XRCC4: variants seen among roughly 807,000 people sequenced by gnomAD.
XRCC4 encodes X-ray repair cross complementing 4.
A neutral mutation model predicts 39.1 loss-of-function variants in XRCC4; 28 were observed. The observed-to-expected ratio is 0.72, with a 90% confidence interval of 0.53 to 0.98. The LOEUF is 0.98. XRCC4 is among the 50% of genes least tolerant of loss of function. The pLI, the probability that XRCC4 is intolerant of heterozygous loss-of-function variation, is 0.00. For missense variants in XRCC4, 350 were observed against 376.4 expected, an observed-to-expected ratio of 0.93 and a Z score of 0.58; for synonymous variants, 123 against 126.4, an observed-to-expected ratio of 0.97 and a Z score of 0.18.
At chr5:83,111,502 T>C (rs1746444098) in intron 3 of XRCC4, among the ~76,000 whole-genome samples, 1 of 152,046 alleles carries the variant, frequency 6.6e-6, no homozygotes, top group Non-Finnish European at 1.5e-5. Context: ...ATCAGAAGTT[T>C]TAGGCCATCG....
At chr5:83,120,329 A>G (rs1746948745) in intron 3 of XRCC4, among the ~76,000 whole-genome samples, 1 of 152,126 alleles carries the variant, frequency 6.6e-6, no homozygotes, top group African/African-American at 2.4e-5. Context: ...TTGTTTAGGG[A>G]TAATTTACAA....
intron 7 of XRCC4, among the ~76,000 whole-genome samples, chr5:83,351,337 A>G (rs28360335): frequency 0.035 from 5,273 of 152,232 alleles, 296 homozygotes; most frequent in African/African-American, 0.12. Flanking sequence ...CACAGTTTCA[A>G]TCTTCTGCAA....
chr5:83,270,736 T>C (rs1754111599), intron 7 of XRCC4, among the ~76,000 whole-genome samples: 1 of 150,946 alleles, frequency 6.6e-6, no homozygotes, highest in Non-Finnish European at 1.5e-5. Context: ...CTGAAACAAA[T>C]TGTGGGATTT....
intron 7 of XRCC4, among the ~76,000 whole-genome samples, chr5:83,279,022 G>GAT (rs1454744927): frequency 7.4e-6 from 1 of 134,582 alleles, no homozygotes; most frequent in South Asian, 2.3e-4. Flanking sequence ...AAAAAAAAAA[G>GAT]ATATATATAT....
Position 83,132,052 on chromosome 5 carries a change from A to G in XRCC4, c.315+20849A>G, listed in dbSNP as rs1747619464. 2.0e-5 allele frequency among the ~76,000 whole-genome samples: 3 copies of G among 152,118 alleles called. No individual in the cohort carries two copies. The South Asian group carries it at 6.2e-4, about 32-fold the overall frequency. ...CCTTTCCACGTTTGGGGCTTCCTTC[A>G]GGAGCTCTTATAAGGCATGTCTGGT... On this transcript the variant is annotated intron_variant, in intron 3 of 7. Coordinates refer to ENST00000396027, the MANE Select transcript of XRCC4 (RefSeq NM_003401.5).
At chr5:83,263,696 G>GTT (rs1380866170) in intron 7 of XRCC4, among the ~76,000 whole-genome samples, 2 of 151,044 alleles carry the variant, frequency 1.3e-5, no homozygotes, top group Non-Finnish European at 3.0e-5. Flanking sequence ...GGGGTTGTTT[G>GTT]TTTTTTTCTT....
At chr5:83,214,456 G>A (rs1197821111) in intron 6 of XRCC4, among the ~76,000 whole-genome samples, 1 of 152,144 alleles carries the variant, frequency 6.6e-6, no homozygotes, top group East Asian at 1.9e-4. Flanking sequence ...CCATGGTGGT[G>A]TATTCCTATA....
intron 7 of XRCC4, among the ~76,000 whole-genome samples, chr5:83,277,856 G>C (rs897137177): frequency 2.0e-5 from 3 of 152,134 alleles, no homozygotes; most frequent in African/African-American, 7.2e-5. Context: ...TACATTCTTT[G>C]ATGATTTTGC....
intron 3 of XRCC4, among the ~76,000 whole-genome samples, chr5:83,164,098 A>G (rs1749347134): frequency 6.6e-6 from 1 of 152,178 alleles, no homozygotes; most frequent in Admixed American, 6.5e-5. Flanking sequence ...CTTGAAAGAT[A>G]ATTTTAAAAA....
chr5:83,347,669 C>T (rs1756956190), intron 7 of XRCC4, among the ~76,000 whole-genome samples: 1 of 152,164 alleles, frequency 6.6e-6, no homozygotes, highest in Non-Finnish European at 1.5e-5. Flanking sequence ...CAAACCATAT[C>T]ATGCCATCCC....
intron 3 of XRCC4, among the ~76,000 whole-genome samples, chr5:83,150,956 G>A (rs1158442933): frequency 6.6e-6 from 1 of 151,870 alleles, no homozygotes; most frequent in Non-Finnish European, 1.5e-5. Context: ...TGGAGTGAAT[G>A]GATTGTTTAT....
rs1752983056 is a variant in XRCC4, at chr5:83,243,292, T to G, written c.746-15238T>G. Among the ~76,000 whole-genome samples, 4 of 152,168 alleles carry G rather than the reference T, an allele frequency of 2.6e-5. No homozygotes were observed. The South Asian group carries it at 8.3e-4, about 31-fold the overall frequency. On this transcript the variant is annotated intron_variant, in intron 6 of 7. Transcript: ENST00000396027. ...GTTTGCTAGGGCTGCCATAACAAAATACTACAAATTGGGGACTTACCAACA... is the reference window on the plus strand; with the variant it reads ...GTTTGCTAGGGCTGCCATAACAAAAGACTACAAATTGGGGACTTACCAACA...
intron 6 of XRCC4, among the ~76,000 whole-genome samples, chr5:83,240,971 C>T (rs28360201): frequency 7.6e-4 from 116 of 152,232 alleles, no homozygotes; most frequent in African/African-American, 2.6e-3. Context: ...CGCGGTGGCT[C>T]ATGCCTGAAA....
chr5:83,187,999 G>C (rs1054006147), intron 3 of XRCC4, among the ~76,000 whole-genome samples: 12 of 151,980 alleles, frequency 7.9e-5, no homozygotes, highest in African/African-American at 2.9e-4. Flanking sequence ...TGGGATTAAG[G>C]GTGTTTTTTG....
At chr5:83,293,694 C>G (rs903657490) in intron 7 of XRCC4, among the ~76,000 whole-genome samples, 3 of 151,918 alleles carry the variant, frequency 2.0e-5, no homozygotes, top group Admixed American at 1.3e-4. Flanking sequence ...AGAGATAGCA[C>G]TCCTGCATTT....
intron 6 of XRCC4, among the ~76,000 whole-genome samples, chr5:83,212,783 T>G (rs1751699246): frequency 6.6e-6 from 1 of 151,612 alleles, no homozygotes; most frequent in East Asian, 1.9e-4. Context: ...AAAAATTAGC[T>G]GGGCATGGTG....
intron 7 of XRCC4, among the ~76,000 whole-genome samples, chr5:83,306,114 C>T (rs1409304714): frequency 8.2e-6 from 1 of 122,198 alleles, no homozygotes; most frequent in Non-Finnish European, 1.8e-5. Context: ...TTAGTGAATT[C>T]TCTACTGAAG....
At chr5:83,210,479 C>T (rs770245408) in intron 6 of XRCC4, among the ~76,000 whole-genome samples, 11 of 152,012 alleles carry the variant, frequency 7.2e-5, no homozygotes, top group Non-Finnish European at 1.5e-4. Context: ...AGTGAGGGAA[C>T]AGAGGCCTAG....
intron 7 of XRCC4, among the ~76,000 whole-genome samples, chr5:83,288,080 G>A (rs570406054): frequency 4.5e-4 from 68 of 151,842 alleles, no homozygotes; most frequent in Middle Eastern, 3.4e-3. Context: ...GGATTTTTCT[G>A]CTGTCTTTCT....
Sources: gnomAD v4.1 joint callset for allele counts (sites outside exome capture counted in the v4.1 genomes callset) on GRCh38, gnomAD v4.1.1 for gene constraint, MANE v1.5 for transcripts, NCBI Gene and HGNC (gene_info 2026-07-23, HGNC 2026-07-21) for gene names.